The following RANBP2 variants were observed in gnomAD, a reference collection of about 807,000 sequenced individuals.
RANBP2 encodes the protein E3 SUMO-protein ligase RanBP2.
In RANBP2, 57 loss-of-function variants were observed where a neutral mutation model predicts 303.6. That is an observed-to-expected ratio of 0.19 (90% CI 0.15 to 0.23). RANBP2 has a LOEUF of 0.23. Ranked by LOEUF, RANBP2 falls within the 10% of genes least tolerant of loss-of-function variation. RANBP2 has a pLI of 1.00. For missense variants in RANBP2, 3,138 were observed against 3,780.8 expected (o/e 0.83, Z 4.46); for synonymous variants, 1,167 against 1,301.5 (o/e 0.90, Z 2.23).
chr2:109,334,580 G>A, the RANBP2 span, among the ~76,000 whole-genome samples: 1 of 152,118 alleles, frequency 6.6e-6, no homozygotes, highest in Non-Finnish European at 1.5e-5. Context: ...TGCCAGGGAT[G>A]GAGTGAGGCA....
At chr2:109,616,261 C>A in the RANBP2 span, 1 of 836,374 alleles carries the variant, frequency 1.2e-6, no homozygotes, top group Non-Finnish European at 1.7e-6. Flanking sequence ...ATTCATCATA[C>A]CTTGACCTGT....
the RANBP2 span, among the ~76,000 whole-genome samples, chr2:109,120,494 G>T: frequency 6.6e-6 from 1 of 151,990 alleles, no homozygotes; most frequent in Non-Finnish European, 1.5e-5. Flanking sequence ...TCCCATGACC[G>T]CCCTCCACCC....
At chr2:109,252,643 C>T in the RANBP2 span, among the ~76,000 whole-genome samples, 3 of 152,192 alleles carry the variant, frequency 2.0e-5, no homozygotes, top group African/African-American at 4.8e-5. Context: ...AAGTTGAAAA[C>T]GCATGTAATA....
At chr2:108,873,730 A>T in the RANBP2 span, 1 of 565,452 alleles carries the variant, frequency 1.8e-6, no homozygotes. Context: ...AAATACGCTA[A>T]CACTAACGAT....
chr2:108,762,796 T>TA (rs1351706497), intron 19 of RANBP2, among the ~76,000 whole-genome samples: 1 of 135,552 alleles, frequency 7.4e-6, no homozygotes, highest in Non-Finnish European at 1.6e-5. Context: ...CAATAAATGT[T>TA]ACCATCATCA....
chr2:108,971,249 C>T, the RANBP2 span, among the ~76,000 whole-genome samples: 1 of 152,106 alleles, frequency 6.6e-6, no homozygotes, highest in African/African-American at 2.4e-5. Context: ...TATTTCTGCG[C>T]CTTTCTTCCA....
the RANBP2 span, among the ~76,000 whole-genome samples, chr2:108,826,273 T>C: frequency 6.6e-6 from 1 of 152,172 alleles, no homozygotes; most frequent in African/African-American, 2.4e-5. Flanking sequence ...TAAAGTCCAA[T>C]TTATGCTTTT....
chr2:109,210,402 G>A, the RANBP2 span, among the ~76,000 whole-genome samples: 2 of 152,180 alleles, frequency 1.3e-5, no homozygotes, highest in East Asian at 1.9e-4. Context: ...GTGCTCCCTC[G>A]TTTTGTCTGT....
chr2:109,072,782 C>T, the RANBP2 span, among the ~76,000 whole-genome samples: 1,284 of 152,180 alleles, frequency 8.4e-3, 10 homozygotes, highest in East Asian at 0.041. Flanking sequence ...ACATCTAGCA[C>T]CCCAACTTTT....
At chr2:108,966,314 T>C in the RANBP2 span, among the ~76,000 whole-genome samples, 5 of 152,232 alleles carry the variant, frequency 3.3e-5, no homozygotes, top group Non-Finnish European at 7.3e-5. Context: ...AATTAACACA[T>C]GAACTTTGGG....
At chr2:108,869,074 A>G in the RANBP2 span, among the ~76,000 whole-genome samples, 2 of 152,214 alleles carry the variant, frequency 1.3e-5, no homozygotes, top group African/African-American at 2.4e-5. Context: ...AATATTGTAC[A>G]TGCTCAAGCA....
At chr2:109,638,223 C>G in the RANBP2 span, among the ~76,000 whole-genome samples, 2 of 152,176 alleles carry the variant, frequency 1.3e-5, no homozygotes, top group Non-Finnish European at 2.9e-5. Context: ...CTTATTACAA[C>G]TTATATTTAA....
At chr2:109,712,386 G>A in the RANBP2 span, among the ~76,000 whole-genome samples, 1 of 152,098 alleles carries the variant, frequency 6.6e-6, no homozygotes, top group Non-Finnish European at 1.5e-5. Context: ...CATGGGTCCT[G>A]GGCATTTTTG....
At chr2:109,393,981 C>T in the RANBP2 span, among the ~76,000 whole-genome samples, 1 of 152,070 alleles carries the variant, frequency 6.6e-6, no homozygotes, top group African/African-American at 2.4e-5. Context: ...CCAGGGCTGG[C>T]CGCACCTCCC....
chr2:108,894,745 T>A, the RANBP2 span: 1 of 146,422 alleles, frequency 6.8e-6, no homozygotes, highest in Admixed American at 6.6e-5. Context: ...AAATCCCATG[T>A]TTCCAAATAA....
chr2:108,754,102 G>A, intron 15 of RANBP2, 131 bp downstream of exon 15: 2 of 1,598,276 alleles, frequency 1.3e-6, no homozygotes, highest in Non-Finnish European at 1.7e-6. Context: ...GAAGGGATAT[G>A]TGTGTCTAAA....
the RANBP2 span, among the ~76,000 whole-genome samples, chr2:109,243,450 C>G: frequency 6.6e-6 from 1 of 152,184 alleles, no homozygotes; most frequent in Non-Finnish European, 1.5e-5. Flanking sequence ...AAGGGATTTT[C>G]GTATTCTCCT....
At chr2:108,815,684 A>G in the RANBP2 span, among the ~76,000 whole-genome samples, 1 of 150,734 alleles carries the variant, frequency 6.6e-6, no homozygotes, top group South Asian at 2.1e-4. Flanking sequence ...CTGGTCTCGA[A>G]CTCCTAGGGA....
the RANBP2 span, among the ~76,000 whole-genome samples, chr2:109,571,850 G>A: frequency 6.6e-6 from 1 of 152,266 alleles, no homozygotes; most frequent in Admixed American, 6.5e-5. Context: ...ATTTATTCCT[G>A]AAAATCCACT....
Sources: allele counts gnomAD v4.1 joint callset (sites outside exome capture counted in the v4.1 genomes callset), GRCh38; gene constraint gnomAD v4.1.1; transcripts MANE v1.5; gene names NCBI Gene and HGNC (gene_info 2026-07-23, HGNC 2026-07-21).